RARB: variants seen among roughly 807,000 people sequenced by gnomAD.
RARB encodes HBV-activated protein.
A neutral mutation model predicts 51.9 loss-of-function variants in RARB; 17 were observed. The ratio of observed to expected loss-of-function variants is 0.33; its 90% CI spans 0.22 to 0.49. The LOEUF (loss-of-function observed/expected upper bound fraction) is 0.49, where lower values mean the gene tolerates loss of function less well. Among genes scored for constraint, RARB ranks in the 20% least tolerant of loss-of-function variants. The pLI is 0.99. For synonymous variants in RARB, 215 were observed against 195.4 expected, an observed-to-expected ratio of 1.10 and a Z score of -0.84; for missense variants, 369 against 550.8, an observed-to-expected ratio of 0.67 and a Z score of 3.30.
chr3:25,582,386 G>A (rs1404918878), intron 5 of RARB, among the ~76,000 whole-genome samples: 2 of 152,056 alleles, frequency 1.3e-5, no homozygotes, highest in African/African-American at 4.8e-5. Context: ...AGCAAGCAAT[G>A]CTGTGTCATT....
upstream of RARB, among the ~76,000 whole-genome samples, chr3:25,428,064 A>C (rs1441286430): frequency 2.0e-5 from 3 of 152,164 alleles, no homozygotes; most frequent in Non-Finnish European, 4.4e-5. Context: ...GAAATAGGAA[A>C]GAAAACGCCG....
At chr3:25,233,947 ATTC>A (rs996236022) in intron 5 of RARB, among the ~76,000 whole-genome samples, 9 of 151,910 alleles carry the variant, frequency 5.9e-5, no homozygotes, top group Non-Finnish European at 8.8e-5. Flanking sequence ...CTGATATATT[ATTC>A]TTTTTACATT....
intron 5 of RARB, among the ~76,000 whole-genome samples, chr3:25,369,144 T>C (rs1706224506): frequency 6.6e-6 from 1 of 152,190 alleles, no homozygotes; most frequent in African/African-American, 2.4e-5. Flanking sequence ...AACATCTATG[T>C]GGTAATCACA....
Position 24,872,872 on chromosome 3 carries a change from C to T in RARB, c.-380+14120C>T, listed in dbSNP as rs776845142. ...TACAGACTTAACACACATGCACATCCCTTACTCATCCCTGCGCGTTGACTC... is the reference window on the plus strand; with the variant it reads ...TACAGACTTAACACACATGCACATCTCTTACTCATCCCTGCGCGTTGACTC... On this transcript the variant is annotated intron_variant, in intron 2 of 11. Transcript: ENST00000383772. Among the ~76,000 whole-genome samples the T allele has an allele frequency of 3.3e-5, 5 of 152,278 alleles. No homozygotes were observed. In the South Asian group the frequency reaches 1.0e-3, roughly 32 times the overall value.
rs1279161607 is a variant in RARB at position 25,596,767 on chromosome 3, A to G, written c.*151A>G. On this transcript the variant is annotated 3_prime_UTR_variant, in exon 8 of 8. Transcript: ENST00000330688. Reference sequence around the variant, plus strand: ...AAGAAGTTTTCATATGTATCAATATATATACTCCTCACTGTGTAACTTACC... The same window carrying G: ...AAGAAGTTTTCATATGTATCAATATGTATACTCCTCACTGTGTAACTTACC... 3 of 585,202 alleles carry G rather than the reference A, an allele frequency of 5.1e-6. No homozygotes were observed. Among genetic ancestry groups the G allele is most frequent in the Non-Finnish European group, 8.4e-6 (3 of 355,166 alleles). The allele number at this position is 585,202 out of a possible 1,614,324, so 36.3% of individuals were successfully genotyped here. A position where few individuals can be genotyped will look rare whatever the true frequency, so the allele number is the denominator to read the frequency against.
intron 5 of RARB, among the ~76,000 whole-genome samples, chr3:25,176,346 C>CTTTCTTTCTTTCTTTCTTTCT (rs1575197603): frequency 2.1e-4 from 10 of 48,156 alleles, no homozygotes; most frequent in African/African-American, 4.9e-4. Flanking sequence ...TCCTTCCTTC[C>CTTTCTTTCTTTCTTTCTTTCT]TTCCTTCCTT....
chr3:25,479,460 G>A (rs1362806496), intron 2 of RARB, among the ~76,000 whole-genome samples: 1 of 152,120 alleles, frequency 6.6e-6, no homozygotes, highest in African/African-American at 2.4e-5. Flanking sequence ...AACCCCAAAA[G>A]CTATTTATTA....
At chr3:25,155,663 C>T (rs540585764) in intron 4 of RARB, among the ~76,000 whole-genome samples, 1 of 152,212 alleles carries the variant, frequency 6.6e-6, no homozygotes, top group Non-Finnish European at 1.5e-5. Flanking sequence ...TTTCAAAAAG[C>T]TTTATGATCT....
At chr3:25,261,319 C>G (rs1250633564) in intron 5 of RARB, among the ~76,000 whole-genome samples, 5 of 152,148 alleles carry the variant, frequency 3.3e-5, no homozygotes, top group African/African-American at 1.2e-4. Context: ...TCTTGAAACT[C>G]TCTATTCCCT....
intron 2 of RARB, among the ~76,000 whole-genome samples, chr3:24,949,973 G>T (rs1695854747): frequency 6.6e-6 from 1 of 152,230 alleles, no homozygotes. Flanking sequence ...ATAACAGAGG[G>T]AAGAGCGAAA....
At chr3:25,369,076 T>A (rs1180630382) in intron 5 of RARB, among the ~76,000 whole-genome samples, 1 of 152,208 alleles carries the variant, frequency 6.6e-6, no homozygotes, top group African/African-American at 2.4e-5. Context: ...TAGGTCAAGA[T>A]CATAGTTTCC....
intron 5 of RARB, among the ~76,000 whole-genome samples, chr3:25,299,847 CAA>C (rs1426206052): frequency 3.3e-5 from 5 of 152,092 alleles, no homozygotes; most frequent in Admixed American, 2.6e-4. Flanking sequence ...CTTTCCTGTT[CAA>C]GAGTAATTTG....
intron 3 of RARB, among the ~76,000 whole-genome samples, chr3:25,527,715 A>G (rs1477978909): frequency 6.6e-6 from 1 of 152,214 alleles, no homozygotes; most frequent in African/African-American, 2.4e-5. Context: ...GAGGGTAGAT[A>G]GATGCTCTTG....
At chr3:24,896,597 A>G (rs927155849) in intron 2 of RARB, among the ~76,000 whole-genome samples, 1 of 152,176 alleles carries the variant, frequency 6.6e-6, no homozygotes, top group Non-Finnish European at 1.5e-5. Context: ...AGTTCAGGAC[A>G]TGGACAGTGG....
intron 2 of RARB, among the ~76,000 whole-genome samples, chr3:25,034,607 G>C (rs918636051): frequency 1.3e-5 from 2 of 152,112 alleles, no homozygotes; most frequent in Non-Finnish European, 2.9e-5. Flanking sequence ...AGCTATTTTA[G>C]GTCAATTCCA....
At chr3:25,197,116 G>A (rs1157465772) in intron 5 of RARB, among the ~76,000 whole-genome samples, 1 of 151,974 alleles carries the variant, frequency 6.6e-6, no homozygotes, top group Non-Finnish European at 1.5e-5. Context: ...CATTGCTTTT[G>A]GTGTTTTAGA....
chr3:25,170,442 C>G (rs1700625546), intron 4 of RARB, among the ~76,000 whole-genome samples: 1 of 152,150 alleles, frequency 6.6e-6, no homozygotes, highest in South Asian at 2.1e-4. Context: ...TTCAGTAGGT[C>G]TCTCCGGTGG....
chr3:25,204,845 G>T (rs1374928217), intron 5 of RARB, among the ~76,000 whole-genome samples: 1 of 152,204 alleles, frequency 6.6e-6, no homozygotes, highest in Non-Finnish European at 1.5e-5. Context: ...ACTTGGGGGT[G>T]CCTGCCAGTT....
exon 5 of RARB, chr3:25,174,402 C>G: frequency 7.4e-7 from 1 of 1,352,084 alleles, no homozygotes. Flanking sequence ...CGAAACATGA[C>G]CACCAGCGGC....
Sources: gnomAD v4.1 joint callset for allele counts (sites outside exome capture counted in the v4.1 genomes callset) on GRCh38, gnomAD v4.1.1 for gene constraint, MANE v1.5 for transcripts, NCBI Gene and HGNC (gene_info 2026-07-23, HGNC 2026-07-21) for gene names.